Variants in PPM1D observed in about 807,000 individuals in gnomAD.
PPM1D encodes the protein protein phosphatase 1D.
Under a neutral mutation model 58.3 loss-of-function variants are expected in PPM1D, and 52 were observed. The ratio of observed to expected loss-of-function variants is 0.89; its 90% CI spans 0.71 to 1.12. The LOEUF is 1.12. Among genes scored for constraint, PPM1D ranks in the 50% most tolerant of loss-of-function variants. The pLI is 0.00. For missense variants in PPM1D, 564 were observed against 777.2 expected, an observed-to-expected ratio of 0.73 and a Z score of 3.26; for synonymous variants, 278 against 285.1, an observed-to-expected ratio of 0.98 and a Z score of 0.25.
rs1567974643 is a variant in PPM1D, at chr17:60,645,532, A to ATATATATG, written c.827-2359_827-2358insATATATGT. On this transcript the variant is annotated intron_variant, in intron 3 of 5. Transcript: ENST00000305921. ...TATGTGTATATATATGTATATATAT[A>ATATATATG]TGTGTATATATATGTATATATATGT... is the stretch of plus-strand genomic sequence containing the variant. Among the ~76,000 whole-genome samples the ATATATATG allele has an allele frequency of 1.4e-3, 163 of 119,388 alleles. 2 individuals are homozygous for ATATATATG. Among genetic ancestry groups the ATATATATG allele is most frequent in the African/African-American group, 6.6e-3 (153 of 23,358 alleles). 78.3% of individuals were successfully genotyped at this position (119,388 alleles called of 152,430 possible).
chr17:60,634,581 A>G (rs894635690), intron 3 of PPM1D, among the ~76,000 whole-genome samples: 1 of 152,142 alleles, frequency 6.6e-6, no homozygotes, highest in Non-Finnish European at 1.5e-5. Context: ...TTAGCCCTTA[A>G]TAGTCCTCCT....
At chr17:60,616,099 A>G (rs922463609) in intron 1 of PPM1D, among the ~76,000 whole-genome samples, 1 of 151,762 alleles carries the variant, frequency 6.6e-6, no homozygotes, top group Non-Finnish European at 1.5e-5. Context: ...TCTGCCTCCC[A>G]AGCTCAAGTG....
chr17:60,634,905 C>T (rs538432837), intron 3 of PPM1D, among the ~76,000 whole-genome samples: 6 of 152,240 alleles, frequency 3.9e-5, no homozygotes, highest in African/African-American at 7.2e-5. Context: ...GTTAGCCTCC[C>T]GAGTAACTGG....
At chr17:60,652,029 T>G (rs1460811848) in intron 4 of PPM1D, among the ~76,000 whole-genome samples, 1 of 152,188 alleles carries the variant, frequency 6.6e-6, no homozygotes, top group Non-Finnish European at 1.5e-5. Flanking sequence ...AAAACACACT[T>G]TAAAAAATTC....
At chr17:60,637,900 A>C (rs773953837) in intron 3 of PPM1D, among the ~76,000 whole-genome samples, 1 of 152,240 alleles carries the variant, frequency 6.6e-6, no homozygotes, top group Non-Finnish European at 1.5e-5. Flanking sequence ...AAGTGAAGAA[A>C]GTGTTTCCAG....
intron 1 of PPM1D, among the ~76,000 whole-genome samples, chr17:60,620,143 C>T (rs939363039): frequency 3.3e-5 from 5 of 152,038 alleles, no homozygotes; most frequent in African/African-American, 9.7e-5. Flanking sequence ...GGATTACAGG[C>T]GCCTGCCACC....
intron 2 of PPM1D, among the ~76,000 whole-genome samples, chr17:60,631,554 T>G (rs1054091469): frequency 2.0e-5 from 3 of 149,126 alleles, no homozygotes; most frequent in African/African-American, 4.9e-5. Context: ...CTGCAGTGAG[T>G]TAAGATCACA....
At chr17:60,629,170 G>A (rs534058506) in intron 2 of PPM1D, among the ~76,000 whole-genome samples, 2 of 152,294 alleles carry the variant, frequency 1.3e-5, no homozygotes, top group African/African-American at 4.8e-5. Context: ...TCCCTGAATG[G>A]AATTGCATCT....
At chr17:60,636,967 ATTTTTTTT>A (rs5821296) in intron 3 of PPM1D, among the ~76,000 whole-genome samples, 2 of 135,300 alleles carry the variant, frequency 1.5e-5, no homozygotes, top group Non-Finnish European at 3.1e-5. Context: ...CCTACTCATG[ATTTTTTTT>A]TTTTTTTTTT....
Position 60,663,538 on chromosome 17 carries a change from G to C in PPM1D, c.1804G>C (p.Val602Leu). ...TTTACTTCATCAACACAGGAAAACT[G>C]TTTGTGTTTGCTGAAATGCATCTGG... The part of the protein sequence containing the change: ...NPLLHQHRKT[V>L]CVC The change falls in exon 6 of 6, where the codon GTT becomes CTT. Residue 602 changes from valine to leucine, a missense_variant. Coordinates refer to ENST00000305921, the MANE Select transcript of PPM1D (RefSeq NM_003620.4). 2 of 1,606,898 alleles carry C rather than the reference G, an allele frequency of 1.2e-6. No individual in the cohort carries two copies. Among genetic ancestry groups the C allele is most frequent in the South Asian group, 2.2e-5 (2 of 91,030 alleles).
At chr17:60,601,102 C>T (rs1276986763) in intron 1 of PPM1D, among the ~76,000 whole-genome samples, 1 of 152,242 alleles carries the variant, frequency 6.6e-6, no homozygotes, top group Non-Finnish European at 1.5e-5. Flanking sequence ...GCAGCCTATT[C>T]TTGCTTTATT....
intron 2 of PPM1D, among the ~76,000 whole-genome samples, chr17:60,627,585 C>T (rs1184556793): frequency 6.6e-6 from 1 of 151,986 alleles, no homozygotes; most frequent in African/African-American, 2.4e-5. Flanking sequence ...CCATGCCCAG[C>T]TAATTTTTGT....
At position 60,654,452 on chromosome 17, in the gene PPM1D, C is replaced by T. The variant is rs147409810; in HGVS notation, c.1018-2147C>T. Among the ~76,000 whole-genome samples, 503 of 136,058 alleles carry T rather than the reference C, an allele frequency of 3.7e-3. 2 individuals carry two copies. The highest frequency in any genetic ancestry group is 0.013 in the African/African-American group (475 of 36,310). The allele number at this position is 136,058 out of a possible 152,430, so 89.3% of individuals were successfully genotyped here. ...CCAGGAGGTGGAGACTGCAGTAAGCCGAGGTCACACCACTGCATTCCAGCC... is the reference window on the plus strand; with the variant it reads ...CCAGGAGGTGGAGACTGCAGTAAGCTGAGGTCACACCACTGCATTCCAGCC... On this transcript the variant is annotated intron_variant, in intron 4 of 5. Transcript: ENST00000305921.
At chr17:60,644,644 A>G (rs975400591) in intron 3 of PPM1D, among the ~76,000 whole-genome samples, 6 of 152,218 alleles carry the variant, frequency 3.9e-5, no homozygotes, top group Non-Finnish European at 8.8e-5. Flanking sequence ...CTAATCTCAG[A>G]TGGTTCAGCA....
chr17:60,610,516 T>C (rs2030433296), intron 1 of PPM1D, among the ~76,000 whole-genome samples: 1 of 152,212 alleles, frequency 6.6e-6, no homozygotes, highest in Non-Finnish European at 1.5e-5. Flanking sequence ...CGTACATGTC[T>C]TTGGTTGTTC....
chr17:60,639,918 G>A (rs1451242472), intron 3 of PPM1D, among the ~76,000 whole-genome samples: 2 of 152,230 alleles, frequency 1.3e-5, no homozygotes, highest in African/African-American at 4.8e-5. Context: ...ATAGGAAGAA[G>A]CATAGTGATA....
chr17:60,634,008 T>C, intron 3 of PPM1D, 31 bp downstream of exon 3: 3 of 1,606,552 alleles, frequency 1.9e-6, no homozygotes, highest in Non-Finnish European at 2.6e-6. Context: ...TGAAATTATA[T>C]TGAATTTTCT....
intron 1 of PPM1D, 77 bp downstream of exon 1, chr17:60,600,963 G>GCC: frequency 6.3e-7 from 1 of 1,587,098 alleles, no homozygotes; most frequent in Non-Finnish European, 8.6e-7. Context: ...CCCCGCGTGG[G>GCC]CCCCCGGCAC....
chr17:60,611,671 G>A (rs1004216528), intron 1 of PPM1D, among the ~76,000 whole-genome samples: 25 of 151,884 alleles, frequency 1.6e-4, no homozygotes, highest in African/African-American at 5.3e-4. Flanking sequence ...CACCTGCCTC[G>A]GCCTCCCAAA....
Sources: gnomAD v4.1 joint callset for allele counts (sites outside exome capture counted in the v4.1 genomes callset) on GRCh38, gnomAD v4.1.1 for gene constraint, MANE v1.5 for transcripts, NCBI Gene and HGNC (gene_info 2026-07-23, HGNC 2026-07-21) for gene names.